The following NDUFAF6 variants were observed in gnomAD, a reference collection of about 807,000 sequenced individuals.
NDUFAF6 encodes the protein NADH:ubiquinone oxidoreductase complex assembly factor 6, also known as NADH dehydrogenase (ubiquinone) complex I, assembly factor 6.
Under a neutral mutation model 40.8 loss-of-function variants are expected in NDUFAF6, and 45 were observed. The observed-to-expected ratio is 1.10, with a 90% CI of 0.87 to 1.42. NDUFAF6 has a LOEUF of 1.42. Among genes scored for constraint, NDUFAF6 ranks in the 40% most tolerant of loss-of-function variants. The pLI, the probability that NDUFAF6 is intolerant of heterozygous loss-of-function variation, is 0.00. For missense variants in NDUFAF6, 435 were observed against 418.5 expected, an observed-to-expected ratio of 1.04 and a Z score of -0.34; for synonymous variants, 185 against 155.9, an observed-to-expected ratio of 1.19 and a Z score of -1.39.
intron 6 of NDUFAF6, 55 bp downstream of exon 6, chr8:95,047,182 A>G: frequency 6.2e-7 from 1 of 1,612,472 alleles, no homozygotes; most frequent in Non-Finnish European, 8.5e-7. Context: ...TGGGGAAGGA[A>G]GTTATCTTTT....
intron 1 of NDUFAF6, among the ~76,000 whole-genome samples, chr8:94,933,895 G>A (rs1372005444): frequency 7.1e-6 from 1 of 141,652 alleles, no homozygotes; most frequent in Non-Finnish European, 1.5e-5. Flanking sequence ...ACATGGTGAA[G>A]CCCCGTCTCT....
At chr8:94,954,912 A>C (rs565451047), upstream of NDUFAF6, among the ~76,000 whole-genome samples, 13 of 152,346 alleles carry the variant, frequency 8.5e-5, 1 homozygote, top group East Asian at 1.9e-4. Context: ...TAAATTGTAG[A>C]GCCCTGAGAA....
At chr8:95,024,960 T>G (rs199563102), upstream of NDUFAF6, 94 of 1,284,168 alleles carry the variant, frequency 7.3e-5, no homozygotes, top group African/African-American at 1.4e-3. Context: ...GGCCGGGGCG[T>G]AGCTGCGCGC....
intron 8 of NDUFAF6, among the ~76,000 whole-genome samples, chr8:95,053,925 CTTTTTTTTTTTT>C (rs71273448): frequency 5.4e-5 from 2 of 37,016 alleles, no homozygotes; most frequent in East Asian, 1.1e-3. Flanking sequence ...CCGTGCCCGG[CTTTTTTTTTTTT>C]TTTTTTTTTT....
chr8:94,955,608 C>A (rs1823008031), upstream of NDUFAF6, among the ~76,000 whole-genome samples: 3 of 152,188 alleles, frequency 2.0e-5, no homozygotes, highest in Admixed American at 2.0e-4. Context: ...ATTTATTTAT[C>A]TATTTCCCTT....
upstream of NDUFAF6, among the ~76,000 whole-genome samples, chr8:95,021,314 G>A (rs911504524): frequency 6.6e-6 from 1 of 152,222 alleles, no homozygotes; most frequent in African/African-American, 2.4e-5. Flanking sequence ...AATCCAGAAA[G>A]AGGGAACAGC....
Position 95,010,479 on chromosome 8 carries a change from TA to T in NDUFAF6, c.-83-21512del, listed in dbSNP as rs1459888393. Among the ~76,000 whole-genome samples, 8 of 152,190 alleles carry T rather than the reference TA, an allele frequency of 5.3e-5. No homozygotes were observed. In the East Asian group the frequency reaches 1.5e-3, roughly 29 times the overall value. ...TAAATGTCAAGATCCTTTCTAATTTTAAAATTGGAATCTATTGTTCACAAAA... is the reference window on the plus strand; with the variant it reads ...TAAATGTCAAGATCCTTTCTAATTTTAAATTGGAATCTATTGTTCACAAAA... On this transcript the variant is annotated intron_variant, in intron 2 of 9. Transcript: ENST00000396111.
intron 1 of NDUFAF6, among the ~76,000 whole-genome samples, chr8:94,971,919 CA>C (rs1436769090): frequency 1.3e-5 from 2 of 149,148 alleles, no homozygotes; most frequent in African/African-American, 4.9e-5. Context: ...GCCTGGGCAA[CA>C]AGAGCGGAAA....
downstream of NDUFAF6, among the ~76,000 whole-genome samples, chr8:95,118,421 T>C (rs1810178520): frequency 1.3e-5 from 2 of 152,174 alleles, no homozygotes; most frequent in Admixed American, 6.5e-5. Flanking sequence ...GTATTAATAA[T>C]GGTTATCTTT....
chr8:95,097,429 G>T (rs564208649), upstream of NDUFAF6, among the ~76,000 whole-genome samples: 101 of 152,358 alleles, frequency 6.6e-4, no homozygotes, highest in African/African-American at 2.4e-3. Flanking sequence ...CGGGCGCAGC[G>T]GCTCACGCCT....
intron 1 of NDUFAF6, among the ~76,000 whole-genome samples, chr8:94,942,968 T>C (rs577725036): frequency 2.0e-5 from 3 of 152,354 alleles, no homozygotes; most frequent in Non-Finnish European, 2.9e-5. Context: ...GGTTTCTGGC[T>C]TGGCCAACTG....
chr8:95,091,875 A>G (rs1313914281), intron 2 of NDUFAF6, among the ~76,000 whole-genome samples: 1 of 148,486 alleles, frequency 6.7e-6, no homozygotes, highest in African/African-American at 2.5e-5. Flanking sequence ...CTTGGTCTCA[A>G]GCGATACTTC....
At chr8:95,080,077 AT>A (rs1352426137), downstream of NDUFAF6, among the ~76,000 whole-genome samples, 1 of 80,182 alleles carries the variant, frequency 1.2e-5, no homozygotes, top group Non-Finnish European at 2.4e-5. Flanking sequence ...TTTGTAGCGT[AT>A]TTTTTGTAGT....
intron 1 of NDUFAF6, among the ~76,000 whole-genome samples, chr8:94,973,673 A>G (rs191264421): frequency 5.5e-4 from 81 of 146,604 alleles, no homozygotes; most frequent in Non-Finnish European, 1.0e-3. Flanking sequence ...GCACCACTGC[A>G]CTCCAGCCTG....
chr8:95,069,427 G>T (rs1239491745), intron 9 of NDUFAF6, among the ~76,000 whole-genome samples: 1 of 151,772 alleles, frequency 6.6e-6, no homozygotes, highest in Non-Finnish European at 1.5e-5. Flanking sequence ...TCGTATGATG[G>T]TTTGCTTTAA....
chr8:94,976,273 A>C (rs1180496845), intron 1 of NDUFAF6, among the ~76,000 whole-genome samples: 1 of 151,626 alleles, frequency 6.6e-6, no homozygotes, highest in South Asian at 2.1e-4. Context: ...TGGGAGGCAG[A>C]GGCAGGCGGA....
chr8:94,907,753 A>G (rs867175823), intron 1 of NDUFAF6, among the ~76,000 whole-genome samples: 4 of 152,306 alleles, frequency 2.6e-5, no homozygotes, highest in African/African-American at 7.2e-5. Context: ...TCAGCCTCAT[A>G]CTTTTCTTTG....
chr8:94,991,803 C>CCG (rs1165947632), intron 2 of NDUFAF6, among the ~76,000 whole-genome samples: 3 of 141,814 alleles, frequency 2.1e-5, no homozygotes, highest in African/African-American at 7.7e-5. Flanking sequence ...TTCGCCCCCC[C>CCG]CCCCTTTTTT....
chr8:95,047,205 A>G, intron 6 of NDUFAF6, 78 bp downstream of exon 6: 5 of 1,584,714 alleles, frequency 3.2e-6, no homozygotes, highest in Non-Finnish European at 4.3e-6. Context: ...TTTTTTGCTT[A>G]GTCTATTCAA....
Sources: gnomAD v4.1 joint callset for allele counts (sites outside exome capture counted in the v4.1 genomes callset) on GRCh38, gnomAD v4.1.1 for gene constraint, MANE v1.5 for transcripts, NCBI Gene and HGNC (gene_info 2026-07-23, HGNC 2026-07-21) for gene names.